Variants in HDX observed in about 807,000 individuals in gnomAD.
HDX encodes chromosome X open reading frame 43.
A neutral mutation model predicts 45.2 loss-of-function variants in HDX; 19 were observed. The ratio of observed to expected loss-of-function variants is 0.42; its 90% CI spans 0.29 to 0.62. The LOEUF is 0.62. Ranked by LOEUF, HDX falls within the 20% of genes least tolerant of loss-of-function variation. HDX has a pLI of 0.20. For missense variants in HDX, 532 were observed against 493.9 expected, an observed-to-expected ratio of 1.08 and a Z score of -0.73; for synonymous variants, 188 against 172.8, an observed-to-expected ratio of 1.09 and a Z score of -0.69.
At chrX:84,387,569 T>C (rs1283145276) in intron 5 of HDX, among the ~76,000 whole-genome samples, 1 of 112,146 alleles carries the variant, frequency 8.9e-6, no homozygotes, top group Non-Finnish European at 1.9e-5. Context: ...TATCAATATG[T>C]TATGCCCATC....
In HDX at chrX:84,448,256, A is replaced by T. The variant is rs760781886; in HGVS notation, c.1252-7671T>A. Among the ~76,000 whole-genome samples the T allele has an allele frequency of 1.4e-4, 16 of 111,749 alleles. No homozygotes were observed. In the East Asian group the frequency reaches 1.7e-3, roughly 12 times the overall value. ...GGATTGTCCTGCCATGGCTGCTGTC[A>T]TCACTCAGGCCACATTGCTGCTCAG... is the stretch of plus-strand genomic sequence containing the variant. On this transcript the variant is annotated intron_variant, in intron 4 of 10. Coordinates refer to ENST00000373177, the MANE Select transcript of HDX (RefSeq NM_001177479.2).
chrX:84,438,996 C>T (rs987667362), intron 5 of HDX, among the ~76,000 whole-genome samples: 1 of 111,850 alleles, frequency 8.9e-6, no homozygotes, highest in African/African-American at 3.2e-5. Flanking sequence ...GTTTGCATTC[C>T]CAGCAACAGT....
chrX:84,491,008 T>TA (rs2040883301), intron 1 of HDX, among the ~76,000 whole-genome samples: 1 of 111,343 alleles, frequency 9.0e-6, no homozygotes, highest in African/African-American at 3.3e-5. Context: ...GAGTATGAAA[T>TA]ACCTTGGTGC....
In HDX at chrX:84,473,013, G is replaced by A. The variant is rs930783544; in HGVS notation, c.147+2238C>T. Among the ~76,000 whole-genome samples, 6 of 87,058 alleles carry A rather than the reference G, an allele frequency of 6.9e-5. No individual in the cohort carries two copies. In the East Asian group the frequency reaches 1.7e-3, roughly 25 times the overall value. 75.6% of individuals were successfully genotyped at this position (87,058 alleles called of 115,157 possible). A position where few individuals can be genotyped will look rare whatever the true frequency, so the allele number is the denominator to read the frequency against. ...GAATTTGGGGTTAGGAACTAATAAA[G>A]TGATATTCATAGGAAAAAAAAGAAA... On this transcript the variant is annotated intron_variant, in intron 3 of 10. Coordinates refer to ENST00000373177, the MANE Select transcript of HDX (RefSeq NM_001177479.2).
At chrX:84,432,469 A>C (rs986446848) in intron 5 of HDX, among the ~76,000 whole-genome samples, 52 of 111,629 alleles carry the variant, frequency 4.7e-4, no homozygotes, top group African/African-American at 1.6e-3. Flanking sequence ...ATGAACATAG[A>C]ATGTTTTTCC....
intron 5 of HDX, among the ~76,000 whole-genome samples, chrX:84,433,270 A>G (rs1324819707): frequency 1.8e-5 from 2 of 111,707 alleles, no homozygotes; most frequent in Admixed American, 1.9e-4. Flanking sequence ...TTGTTGGGAA[A>G]ATGTCCTGAA....
chrX:84,469,030 A>G lies in HDX; in HGVS notation c.693T>C (p.Tyr231=), dbSNP rs1387661611. ...KIEPVGIQRS[Y]KPEHTGPALH... is the part of the protein sequence containing the mutation. ...ATGCTGGGCCTGTGTGTTCAGGCTTATATGACCTTTGAATCCCAACTGGTT... is the reference window on the plus strand; with the variant it reads ...ATGCTGGGCCTGTGTGTTCAGGCTTGTATGACCTTTGAATCCCAACTGGTT... Residue 231 remains tyrosine, a synonymous_variant, in exon 4 of 11, where the codon TAT becomes TAC. Transcript: ENST00000373177. The G allele has an allele frequency of 8.3e-7, 1 of 1,211,683 alleles. No individual in the cohort carries two copies.
rs182609242 is a variant in HDX at position 84,456,400 on chromosome X, A to C, written c.1251+12072T>G. The stretch of plus-strand genomic sequence containing the variant: ...AAAGCATACAATGGATACACACAAA[A>C]TAGAAATGAAAACATAGCACCAGAG... On this transcript the variant is annotated intron_variant, in intron 4 of 10. Transcript: ENST00000373177. Among the ~76,000 whole-genome samples, 454 of 111,700 alleles carry C rather than the reference A, an allele frequency of 4.1e-3. 10 individuals are homozygous for C. The highest frequency in any genetic ancestry group is 0.04 in the Admixed American group (414 of 10,476).
At chrX:84,416,971 A>G (rs1240989500) in intron 5 of HDX, among the ~76,000 whole-genome samples, 1 of 109,293 alleles carries the variant, frequency 9.1e-6, no homozygotes, top group East Asian at 2.9e-4. Flanking sequence ...CCTGGCTAAC[A>G]TGGTGAAACC....
chrX:84,438,455 A>G (rs1395696115), intron 5 of HDX, among the ~76,000 whole-genome samples: 2 of 110,443 alleles, frequency 1.8e-5, no homozygotes, highest in Non-Finnish European at 3.8e-5. Context: ...AGTAAATTGC[A>G]TAACAGTGAG....
intron 4 of HDX, among the ~76,000 whole-genome samples, chrX:84,444,313 TCAAA>T (rs1001920850): frequency 9.0e-6 from 1 of 111,214 alleles, no homozygotes; most frequent in African/African-American, 3.3e-5. Flanking sequence ...TTGAGGGCAT[TCAAA>T]CAGACGTATG....
chrX:84,397,061 C>T (rs1313990675), intron 5 of HDX, among the ~76,000 whole-genome samples: 1 of 112,243 alleles, frequency 8.9e-6, no homozygotes, highest in Non-Finnish European at 1.9e-5. Flanking sequence ...TTTGCTCACA[C>T]TTTGTCTCCC....
chrX:84,396,805 G>C (rs1033852940), intron 5 of HDX, among the ~76,000 whole-genome samples: 37 of 110,929 alleles, frequency 3.3e-4, no homozygotes, highest in African/African-American at 1.2e-3. Context: ...GACAGGCTGG[G>C]TGATCCCTAG....
chrX:84,324,854 T>C (rs1052550543), intron 10 of HDX, among the ~76,000 whole-genome samples: 1 of 110,775 alleles, frequency 9.0e-6, no homozygotes, highest in Non-Finnish European at 1.9e-5. Flanking sequence ...CCTAATTTTG[T>C]TTATTCACAG....
chrX:84,378,251 T>C (rs920694376), intron 5 of HDX, among the ~76,000 whole-genome samples: 1 of 111,673 alleles, frequency 9.0e-6, no homozygotes, highest in African/African-American at 3.2e-5. Context: ...GTAAGAAATG[T>C]TAAAGGGAGT....
intron 5 of HDX, among the ~76,000 whole-genome samples, chrX:84,422,977 C>CA (rs2039298295): frequency 9.1e-6 from 1 of 109,536 alleles, no homozygotes; most frequent in South Asian, 3.9e-4. Flanking sequence ...AAAAGTTAAA[C>CA]AAAATTGACA....
At chrX:84,413,958 T>A in intron 5 of HDX, among the ~76,000 whole-genome samples, 1 of 111,689 alleles carries the variant, frequency 9.0e-6, no homozygotes, top group Non-Finnish European at 1.9e-5. Flanking sequence ...TAAAGTAATA[T>A]AATAAAAGCT....
chrX:84,469,811 TC>T (rs1472604809), intron 3 of HDX, among the ~76,000 whole-genome samples: 1 of 111,650 alleles, frequency 9.0e-6, no homozygotes, highest in Non-Finnish European at 1.9e-5. Context: ...ATTGTTTCTC[TC>T]CTCATAACCC....
chrX:84,497,671 A>G (rs2041030792), intron 1 of HDX, among the ~76,000 whole-genome samples: 1 of 87,600 alleles, frequency 1.1e-5, no homozygotes, highest in South Asian at 6.6e-4. Context: ...AAACTAGGGG[A>G]AAATATACAT....
Sources: gnomAD v4.1 joint callset for allele counts (sites outside exome capture counted in the v4.1 genomes callset) on GRCh38, gnomAD v4.1.1 for gene constraint, MANE v1.5 for transcripts, NCBI Gene and HGNC (gene_info 2026-07-23, HGNC 2026-07-21) for gene names.